The following BIRC3 variants were observed in gnomAD, a reference collection of about 807,000 sequenced individuals.
The protein encoded by BIRC3 is baculoviral IAP repeat-containing protein 3.
Under a neutral mutation model 59.0 loss-of-function variants are expected in BIRC3, and 26 were observed. That is an observed-to-expected ratio of 0.44 (90% CI 0.32 to 0.61). The LOEUF is 0.61. Ranked by LOEUF, BIRC3 falls within the 20% of genes least tolerant of loss-of-function variation. The probability of loss-of-function intolerance (pLI) is 0.04; values close to 1 mark genes in which losing one functional copy is unlikely to be tolerated. For synonymous variants in BIRC3, 243 were observed against 249.2 expected (o/e 0.98, Z 0.24); for missense variants, 641 against 711.5 (o/e 0.90, Z 1.13).
At chr11:102,329,137 G>T (rs772527314) in intron 5 of BIRC3, among the ~76,000 whole-genome samples, 192 bp downstream of exon 5, 9 of 152,090 alleles carry the variant, frequency 5.9e-5, no homozygotes, top group Non-Finnish European at 1.0e-4. Context: ...TAAAAAATAT[G>T]ACAGATTTCC....
chr11:102,336,910 T>G lies in BIRC3; in HGVS notation c.1623T>G (p.Asp541Glu). ...TTAAAAATTCTTTCCTCTTTCTAGA[T>G]CTACCAGTGGAAGAACAATTGCGGA... ...IKYIPTEDVS[D>E]LPVEEQLRRL... The change falls in exon 9 of 9, where the codon GAT becomes GAG. Residue 541 changes from aspartate (D) to glutamate (E), a missense_variant and splice_region_variant. Coordinates refer to ENST00000263464, the MANE Select transcript of BIRC3 (RefSeq NM_001165.5). The G allele has an allele frequency of 6.3e-7, 1 of 1,597,530 alleles. No homozygotes were observed. Among genetic ancestry groups the G allele is most frequent in the Non-Finnish European group, 8.5e-7 (1 of 1,176,406 alleles).
At chr11:102,331,536 T>A (rs924630054) in intron 6 of BIRC3, among the ~76,000 whole-genome samples, 1 of 152,216 alleles carries the variant, frequency 6.6e-6, no homozygotes, top group Admixed American at 6.5e-5. Context: ...ATGGCACATT[T>A]TTTTTTTCTT....
At chr11:102,333,746 A>G (rs1395568211) in intron 6 of BIRC3, among the ~76,000 whole-genome samples, 1 of 152,118 alleles carries the variant, frequency 6.6e-6, no homozygotes, top group Non-Finnish European at 1.5e-5. Flanking sequence ...ACTCTGTTTT[A>G]AAAATGAATA....
At chr11:102,329,805 A>G (rs1951121292) in intron 5 of BIRC3, among the ~76,000 whole-genome samples, 1 of 152,134 alleles carries the variant, frequency 6.6e-6, no homozygotes, top group African/African-American at 2.4e-5. Context: ...GGGATGTGGG[A>G]GGGATAGCAT....
At chr11:102,333,137 G>A (rs934225248) in intron 6 of BIRC3, among the ~76,000 whole-genome samples, 8 of 151,930 alleles carry the variant, frequency 5.3e-5, no homozygotes, top group Admixed American at 1.3e-4. Flanking sequence ...ACCTAGTATC[G>A]TGCCTGCATA....
intron 5 of BIRC3, among the ~76,000 whole-genome samples, chr11:102,330,043 C>T (rs1337327774): frequency 6.6e-6 from 1 of 152,076 alleles, no homozygotes; most frequent in Non-Finnish European, 1.5e-5. Context: ...AGGGATATGG[C>T]AGCAAAAGTA....
In BIRC3 at chr11:102,321,857, ACTT is replaced by A. The variant is rs1177482717; in HGVS notation, c.-2647_-2645del. Reference sequence around the variant, plus strand: ...AACAGGTTTACAAAGGAGGAAAACGACTTCTTCTAGATTTTTTTTTCAGTTTCT... The same window carrying A: ...AACAGGTTTACAAAGGAGGAAAACGACTTCTAGATTTTTTTTTCAGTTTCT... On this transcript the variant is annotated 5_prime_UTR_variant, in exon 2 of 9. The change creates a premature stop within an existing upstream ORF in the 5' untranslated region. Transcript: ENST00000263464. The A allele has an allele frequency of 5.5e-6, 1 of 180,908 alleles. No homozygotes were observed. Among genetic ancestry groups the A allele is most frequent in the Non-Finnish European group, 1.2e-5 (1 of 84,746 alleles). The allele number at this position is 180,908 out of a possible 1,614,324, so 11.2% of individuals were successfully genotyped here.
Position 102,336,979 on chromosome 11 carries a change from A to T in BIRC3, c.1692A>T (p.Glu564Asp). Residue 564 changes from glutamate to aspartate, a missense_variant, in exon 9 of 9, where the codon GAA becomes GAT. By Grantham distance (45) the Glu-to-Asp change is conservative. Transcript: ENST00000263464. The part of the protein sequence containing the change: ...ERTCKVCMDK[E>D]VSIVFIPCGH... ...CATGTAAAGTGTGTATGGACAAAGA[A>T]GTGTCCATAGTGTTTATTCCTTGTG... 6.2e-7 allele frequency: 1 copy of T among 1,602,408 alleles called. No individual in the cohort carries two copies. The highest frequency in any genetic ancestry group is 1.8e-5 in the Admixed American group (1 of 56,254).
intron 5 of BIRC3, among the ~76,000 whole-genome samples, chr11:102,330,259 G>A (rs1951125975): frequency 6.6e-6 from 1 of 152,200 alleles, no homozygotes; most frequent in Non-Finnish European, 1.5e-5. Flanking sequence ...CACCTTTGAA[G>A]AACTGAACAA....
At chr11:102,321,765 T>C (rs1951032828) in intron 1 of BIRC3, 72 bp from the exon 2 acceptor site, 1 of 172,910 alleles carries the variant, frequency 5.8e-6, no homozygotes, top group African/African-American at 2.4e-5. Context: ...AAATGATTTT[T>C]TAAAAAGTCA....
intron 1 of BIRC3, chr11:102,320,352 G>A (rs954657359): frequency 1.3e-5 from 2 of 152,210 alleles, no homozygotes; most frequent in African/African-American, 4.8e-5. Context: ...CTGCCTCATG[G>A]GCTCAAGTGA....
rs370738985 is a variant in BIRC3, at chr11:102,324,582, G to A, written c.73G>A (p.Asp25Asn). 7.4e-6 allele frequency: 12 copies of A among 1,614,052 alleles called. No individual in the cohort carries two copies. Among genetic ancestry groups the A allele is most frequent in the African/African-American group, 1.3e-5 (1 of 75,028 alleles). ...CGCCAACACGTTTGAACTGAAATAC[G>A]ACTTGTCATGTGAACTGTACCGAAT... ...KSANTFELKY[D>N]LSCELYRMST... The change falls in exon 2 of 9, where the codon GAC (aspartate) becomes AAC (asparagine). Residue 25 changes from aspartate to asparagine, a missense_variant. Around this residue, in one of 4 missense-constraint regions of BIRC3, gnomAD observed 329 missense variants for 365.6 expected, o/e 0.90. Coordinates refer to ENST00000263464, the MANE Select transcript of BIRC3 (RefSeq NM_001165.5).
chr11:102,328,875 TA>T (rs377045033), intron 4 of BIRC3, 21 bp from the exon 5 acceptor site: 33,123 of 827,186 alleles, frequency 0.04, 829 homozygotes, highest in African/African-American at 0.11. Context: ...TATATATATA[TA>T]TATATTTTTT....
chr11:102,336,702 C>T (rs1951200005), intron 7 of BIRC3, 58 bp from the exon 8 acceptor site: 1 of 1,503,916 alleles, frequency 6.6e-7, no homozygotes, highest in South Asian at 1.2e-5. Flanking sequence ...AAAATAGATT[C>T]CATAGCTAAA....
intron 4 of BIRC3, 87 bp from the exon 5 acceptor site, chr11:102,328,810 G>T: frequency 2.1e-6 from 1 of 474,334 alleles, no homozygotes; most frequent in Non-Finnish European, 3.1e-6. Context: ...AAATATGTCT[G>T]TTGGGTCATT....
In BIRC3 at chr11:102,337,630, T is replaced by C. The variant is rs762646948; in HGVS notation, c.*528T>C. ...TCTGTCTTTTTTGATCAGTGTCCTATACATCGAAGGTGTGCATATATGTTG... is the reference window on the plus strand; with the variant it reads ...TCTGTCTTTTTTGATCAGTGTCCTACACATCGAAGGTGTGCATATATGTTG... On this transcript the variant is annotated 3_prime_UTR_variant, in exon 9 of 9. Coordinates refer to ENST00000263464, the MANE Select transcript of BIRC3 (RefSeq NM_001165.5). 2.9e-6 allele frequency: 1 copy of C among 346,954 alleles called. No homozygotes were observed. Among genetic ancestry groups the C allele is most frequent in the Non-Finnish European group, 5.2e-6 (1 of 193,428 alleles). 21.5% of individuals were successfully genotyped at this position (346,954 alleles called of 1,614,324 possible).
At position 102,325,296 on chromosome 11, in the gene BIRC3, T is replaced by C. The variant is rs771950433; in HGVS notation, c.787T>C (p.Phe263Leu). Residue 263 changes from phenylalanine to leucine, a missense_variant, in exon 2 of 9, where the codon TTT becomes CTT. By Grantham distance (22) the Phe-to-Leu change is conservative (BLOSUM62 0). This residue lies in a region of BIRC3 where 329 missense variants were observed against 365.6 expected (regional missense o/e 0.90). Coordinates refer to ENST00000263464, the MANE Select transcript of BIRC3 (RefSeq NM_001165.5). ...ACATGCAGCCCGCTTTAAAACATTC[T>C]TTAACTGGCCCTCTAGTGTTCTAGT... The part of the protein sequence containing the change: ...QTHAARFKTF[F>L]NWPSSVLVNP... 15 of 1,614,134 alleles carry C rather than the reference T, an allele frequency of 9.3e-6. No homozygotes were observed. The Admixed American group carries it at 2.3e-4, about 25-fold the overall frequency.
chr11:102,325,899 T>C (rs1383471547), intron 3 of BIRC3, among the ~76,000 whole-genome samples: 1 of 152,074 alleles, frequency 6.6e-6, no homozygotes, highest in Non-Finnish European at 1.5e-5. Flanking sequence ...AGGATGAGCA[T>C]GGTTACCACT....
intron 1 of BIRC3, among the ~76,000 whole-genome samples, chr11:102,321,347 GTTTTA>G (rs201549635): frequency 2.6e-5 from 4 of 151,868 alleles, no homozygotes; most frequent in Non-Finnish European, 4.4e-5. Flanking sequence ...AAACCTCTGG[GTTTTA>G]TTTTATTTTA....
Sources: allele counts gnomAD v4.1 joint callset (sites outside exome capture counted in the v4.1 genomes callset), GRCh38; gene constraint gnomAD v4.1.1; regional missense constraint gnomAD v4.1.1; transcripts MANE v1.5; gene names NCBI Gene and HGNC (gene_info 2026-07-23, HGNC 2026-07-21).